Variants in DEPDC5 observed in about 807,000 individuals in gnomAD.
The protein encoded by DEPDC5 is DEP domain containing 5, GATOR1 subcomplex subunit, also known as GATOR1 complex protein DEPDC5.
Under a neutral mutation model 217.3 loss-of-function variants are expected in DEPDC5, and 73 were observed. The ratio of observed to expected loss-of-function variants is 0.34; its 90% CI spans 0.28 to 0.41. The LOEUF (loss-of-function observed/expected upper bound fraction) is 0.41. Among genes scored for constraint, DEPDC5 ranks in the 10% least tolerant of loss-of-function variants. The probability of loss-of-function intolerance (pLI) is 1.00; values close to 1 mark genes in which losing one functional copy is unlikely to be tolerated. For synonymous variants in DEPDC5, 733 were observed against 756.7 expected, an observed-to-expected ratio of 0.97 and a Z score of 0.51; for missense variants, 1,675 against 2,070.1, an observed-to-expected ratio of 0.81 and a Z score of 3.70.
rs114424627 is a variant in DEPDC5 at position 31,801,778 on chromosome 22, C to T, written c.947-926C>T. On this transcript the variant is annotated intron_variant, in intron 14 of 42. Transcript: ENST00000651528. ...GGCCAGAGGTGGAAGTGATGATACG[C>T]GTACACATCACTATGTATATCATCT... 4.7e-3 allele frequency among the ~76,000 whole-genome samples: 709 copies of T among 152,202 alleles called. 5 individuals carry two copies. Among genetic ancestry groups the T allele is most frequent in the African/African-American group, 0.015 (625 of 41,548 alleles).
At position 31,798,937 on chromosome 22, in the gene DEPDC5, A is replaced by G. The variant is rs1273824519; in HGVS notation, c.946+281A>G. ...TTTATATATAACAAAGCAAAAAGTC[A>G]TGGGGGAGAGATGCTCTGCCGCAAG... is the stretch of plus-strand genomic sequence containing the variant. On this transcript the variant is annotated intron_variant, in intron 14 of 42. Coordinates refer to ENST00000651528, the MANE Select transcript of DEPDC5 (RefSeq NM_001242896.3). Among the ~76,000 whole-genome samples the G allele has an allele frequency of 3.9e-5, 6 of 152,162 alleles. 1 individual carries two copies. Among genetic ancestry groups the G allele is most frequent in the Admixed American group, 2.6e-4 (4 of 15,268 alleles).
At chr22:31,851,473 T>C (rs1283551260) in intron 31 of DEPDC5, among the ~76,000 whole-genome samples, 2 of 152,222 alleles carry the variant, frequency 1.3e-5, no homozygotes, top group Non-Finnish European at 1.5e-5. Context: ...GGTTCCTCCC[T>C]GTGCTTGCCA....
chr22:31,776,272 G>A (rs2083844161), intron 7 of DEPDC5, among the ~76,000 whole-genome samples: 1 of 151,650 alleles, frequency 6.6e-6, no homozygotes, highest in Non-Finnish European at 1.5e-5. Context: ...CACCATACCT[G>A]CCTAATTTTT....
At position 31,879,770 on chromosome 22, in the gene DEPDC5, A is replaced by G. The variant is rs773519918; in HGVS notation, c.4033+18A>G. On this transcript the variant is annotated intron_variant, in intron 38 of 42. Transcript: ENST00000651528. Reference sequence around the variant, plus strand: ...ACTTTTAGGTACATGCTCAACCCAGACAAGGTCTGAGGGTGTGCCAGTGGG... The same window carrying G: ...ACTTTTAGGTACATGCTCAACCCAGGCAAGGTCTGAGGGTGTGCCAGTGGG... 4 of 1,606,156 alleles carry G rather than the reference A, an allele frequency of 2.5e-6. No homozygotes were observed. The highest frequency in any genetic ancestry group is 3.4e-6 in the Non-Finnish European group (4 of 1,176,232).
At chr22:31,799,846 T>A (rs1411235351) in intron 14 of DEPDC5, among the ~76,000 whole-genome samples, 2 of 131,162 alleles carry the variant, frequency 1.5e-5, no homozygotes, top group African/African-American at 6.0e-5. Flanking sequence ...TCTTACTCTG[T>A]CGCTAGGCTA....
chr22:31,873,307 A>G lies in DEPDC5; in HGVS notation c.3538A>G (p.Ile1180Val). 6.2e-7 allele frequency: 1 copy of G among 1,614,002 alleles called. No homozygotes were observed. The highest frequency in any genetic ancestry group is 8.5e-7 in the Non-Finnish European group (1 of 1,179,926). The stretch of plus-strand genomic sequence containing the variant: ...GACCTCATCCTCTACCCTGACAGAG[A>G]TCCTGGAAGCCATGAAGCACCCCTC... ...SLTSSSTLTE[I>V]LEAMKHPSTG... Residue 1180 changes from isoleucine to valine, a missense_variant, in exon 35 of 43, where the codon ATC (isoleucine) becomes GTC (valine). Around this residue, in one of 11 missense-constraint regions of DEPDC5, gnomAD observed 194 missense variants for 199.3 expected, o/e 0.97. Coordinates refer to ENST00000651528, the MANE Select transcript of DEPDC5 (RefSeq NM_001242896.3).
intron 13 of DEPDC5, 123 bp downstream of exon 13, chr22:31,797,826 A>G: frequency 1.3e-6 from 1 of 758,868 alleles, no homozygotes. Flanking sequence ...GCTTTTGGTC[A>G]GGGTTCTGTT....
intron 38 of DEPDC5, among the ~76,000 whole-genome samples, chr22:31,886,846 G>A (rs907979377): frequency 2.9e-4 from 43 of 146,114 alleles, no homozygotes; most frequent in African/African-American, 1.1e-3. Flanking sequence ...CAAGGTGGGC[G>A]GATCACAAGG....
rs757394980 is a variant in DEPDC5 at position 31,833,906 on chromosome 22, T to C, written c.2105-9T>C. On this transcript the variant is annotated splice_polypyrimidine_tract_variant and intron_variant, in intron 24 of 42. Transcript: ENST00000651528. ...CTTCTTAAGACAAGCTGTTTTTATC[T>C]TTCCATAGGTATGAATCCTAGGACC... 2.5e-5 allele frequency: 38 copies of C among 1,537,592 alleles called. No individual in the cohort carries two copies. Among genetic ancestry groups the C allele is most frequent in the Non-Finnish European group, 3.2e-5 (36 of 1,137,836 alleles).
chr22:31,761,965 C>CT (rs2082427618), intron 4 of DEPDC5, among the ~76,000 whole-genome samples: 1 of 126,638 alleles, frequency 7.9e-6, no homozygotes, highest in South Asian at 2.4e-4. Context: ...GAGACTCCGG[C>CT]TCAAAAAAAA....
Position 31,857,524 on chromosome 22 carries a change from A to C in DEPDC5, c.3235A>C (p.Thr1079Pro). Residue 1079 changes from threonine to proline, a missense_variant, in exon 32 of 43, where the codon ACT becomes CCT. By Grantham distance (38) the Thr-to-Pro change is conservative. Transcript: ENST00000651528. ...QSAESSSVAM[T>P]PTYMDSPRKD... ...AGCCGAGAGCAGCAGCGTTGCCATG[A>C]CTCCCACCTACATGGACAGCCCACG... 1 of 1,611,598 alleles carries C rather than the reference A, an allele frequency of 6.2e-7. No individual in the cohort carries two copies. Among genetic ancestry groups the C allele is most frequent in the East Asian group, 2.2e-5 (1 of 44,804 alleles).
At chr22:31,811,426 C>T (rs1408780040) in intron 20 of DEPDC5, among the ~76,000 whole-genome samples, 1 of 152,206 alleles carries the variant, frequency 6.6e-6, no homozygotes, top group Non-Finnish European at 1.5e-5. Context: ...GAATCTTCCT[C>T]TCACTGGGCT....
chr22:31,791,757 T>C (rs2085670061), intron 10 of DEPDC5, among the ~76,000 whole-genome samples: 1 of 150,688 alleles, frequency 6.6e-6, no homozygotes, highest in African/African-American at 2.4e-5. Flanking sequence ...TGAAACCGCA[T>C]CTCTACTAAA....
chr22:31,763,904 ATGTTATGTTATGTTATGTT>A (rs1299018983), intron 4 of DEPDC5, among the ~76,000 whole-genome samples: 1 of 151,462 alleles, frequency 6.6e-6, no homozygotes, highest in African/African-American at 2.4e-5. Context: ...TATGTTTTTT[ATGTTATGTTATGTTATGTT>A]TGTTATGTTA....
intron 41 of DEPDC5, 72 bp downstream of exon 41, chr22:31,901,874 A>G: frequency 6.9e-7 from 1 of 1,457,018 alleles, no homozygotes; most frequent in Non-Finnish European, 9.5e-7. Context: ...TACCAAAGTG[A>G]AACTCATTTT....
chr22:31,796,532 A>G (rs1199258347), intron 12 of DEPDC5, among the ~76,000 whole-genome samples: 1 of 152,192 alleles, frequency 6.6e-6, no homozygotes, highest in Non-Finnish European at 1.5e-5. Context: ...GTTTTTAAGC[A>G]TATCCTTAGT....
chr22:31,821,292 T>G (rs1384381499), intron 22 of DEPDC5, among the ~76,000 whole-genome samples: 1 of 152,248 alleles, frequency 6.6e-6, no homozygotes, highest in African/African-American at 2.4e-5. Flanking sequence ...CTTAACAGAT[T>G]AGACAGGATG....
At chr22:31,850,548 A>G (rs939952556) in intron 31 of DEPDC5, among the ~76,000 whole-genome samples, 5 of 152,230 alleles carry the variant, frequency 3.3e-5, no homozygotes, top group Admixed American at 2.6e-4. Flanking sequence ...AGGGCTTGGT[A>G]CTATCCTAGG....
intron 10 of DEPDC5, 135 bp from the exon 11 acceptor site, chr22:31,791,898 G>A: frequency 7.3e-6 from 3 of 411,784 alleles, no homozygotes; most frequent in Non-Finnish European, 1.2e-5. Flanking sequence ...CTGCACTCCA[G>A]CCTGGTGGCA....
Sources: gnomAD v4.1 joint callset for allele counts (sites outside exome capture counted in the v4.1 genomes callset) on GRCh38, gnomAD v4.1.1 for gene constraint, gnomAD v4.1.1 regional missense constraint, MANE v1.5 for transcripts, NCBI Gene and HGNC (gene_info 2026-07-23, HGNC 2026-07-21) for gene names.